KCNB2: variants seen among roughly 807,000 people sequenced by gnomAD.
KCNB2 encodes the protein delayed rectifier potassium channel protein.
KCNB2 carries 15 observed loss-of-function variants against 61.5 expected under a neutral mutation model. The observed-to-expected ratio is 0.24, with a 90% CI of 0.16 to 0.38. KCNB2 has a LOEUF of 0.38. Ranked by LOEUF, KCNB2 falls within the 10% of genes least tolerant of loss-of-function variation. The probability of loss-of-function intolerance (pLI) is 1.00; values close to 1 mark genes in which losing one functional copy is unlikely to be tolerated. For synonymous variants in KCNB2, 457 were observed against 446.0 expected, an observed-to-expected ratio of 1.02 and a Z score of -0.31; for missense variants, 828 against 1,125.2, an observed-to-expected ratio of 0.74 and a Z score of 3.78.
At chr8:72,887,791 A>G (rs556169866) in intron 2 of KCNB2, among the ~76,000 whole-genome samples, 1 of 151,866 alleles carries the variant, frequency 6.6e-6, no homozygotes, top group African/African-American at 2.4e-5. Context: ...CATTCAGTCA[A>G]CTCCAGCTCT....
chr8:72,743,728 A>G (rs1008073649), intron 2 of KCNB2, among the ~76,000 whole-genome samples: 1 of 152,242 alleles, frequency 6.6e-6, no homozygotes, highest in Non-Finnish European at 1.5e-5. Flanking sequence ...CAGTGAAATT[A>G]TGACATATTG....
intron 1 of KCNB2, among the ~76,000 whole-genome samples, chr8:72,558,746 T>A (rs1416862230): frequency 3.3e-5 from 5 of 152,204 alleles, no homozygotes. Context: ...AAGATGGATA[T>A]TTATCAAATA....
Position 72,597,001 on chromosome 8 carries a change from C to CTTTTTTTTTTTTTTTT in KCNB2, c.579+28714_579+28729dup, listed in dbSNP as rs869160203. Among the ~76,000 whole-genome samples, 14 of 64,658 alleles carry CTTTTTTTTTTTTTTTT rather than the reference C, an allele frequency of 2.2e-4. 1 individual carries two copies. The highest frequency in any genetic ancestry group is 3.2e-4 in the African/African-American group (4 of 12,492). 42.4% of individuals were successfully genotyped at this position (64,658 alleles called of 152,430 possible). On this transcript the variant is annotated intron_variant, in intron 2 of 2. Coordinates refer to ENST00000523207, the MANE Select transcript of KCNB2 (RefSeq NM_004770.3). ...GCATGCTTGCTTGCTTGCTTGCTTG[C>CTTTTTTTTTTTTTTTT]TTTTTTTTTTTTTTTTTTTTTTTTT...
intron 2 of KCNB2, among the ~76,000 whole-genome samples, chr8:72,822,931 C>T (rs1809534784): frequency 6.6e-6 from 1 of 152,080 alleles, no homozygotes; most frequent in Non-Finnish European, 1.5e-5. Flanking sequence ...TATTTGTGTG[C>T]ATGATCTCTC....
At chr8:72,576,684 A>G (rs1161486016) in intron 2 of KCNB2, among the ~76,000 whole-genome samples, 1 of 152,204 alleles carries the variant, frequency 6.6e-6, no homozygotes, top group Non-Finnish European at 1.5e-5. Flanking sequence ...GGCAAGTTGC[A>G]CTTACTGTAT....
In KCNB2 at chr8:72,683,012, C is replaced by T. The variant is rs192883691; in HGVS notation, c.579+114699C>T. Among the ~76,000 whole-genome samples the T allele has an allele frequency of 3.3e-5, 5 of 152,202 alleles. No homozygotes were observed. In the East Asian group the frequency reaches 5.8e-4, roughly 18 times the overall value. Reference sequence around the variant, plus strand: ...AAAGTTGTTTTGTGTTCTTGTTTATCGTGTATCTATATAATATGTTAAGTG... The same window carrying T: ...AAAGTTGTTTTGTGTTCTTGTTTATTGTGTATCTATATAATATGTTAAGTG... On this transcript the variant is annotated intron_variant, in intron 2 of 2. Coordinates refer to ENST00000523207, the MANE Select transcript of KCNB2 (RefSeq NM_004770.3).
chr8:72,547,079 C>T (rs1416697515), intron 1 of KCNB2, among the ~76,000 whole-genome samples: 3 of 152,208 alleles, frequency 2.0e-5, no homozygotes, highest in African/African-American at 4.8e-5. Context: ...TAAATTTACT[C>T]TGCCTATGCT....
intron 2 of KCNB2, among the ~76,000 whole-genome samples, chr8:72,779,755 CTG>C (rs1808722552): frequency 6.6e-6 from 1 of 152,290 alleles, no homozygotes; most frequent in South Asian, 2.1e-4. Flanking sequence ...ACATGTAAAA[CTG>C]TGGCGATTGA....
At chr8:72,695,053 C>T (rs1161928381) in intron 2 of KCNB2, among the ~76,000 whole-genome samples, 1 of 151,970 alleles carries the variant, frequency 6.6e-6, no homozygotes, top group East Asian at 1.9e-4. Flanking sequence ...TCATTATATG[C>T]CTGTATTCCC....
intron 2 of KCNB2, among the ~76,000 whole-genome samples, chr8:72,609,031 G>A (rs983746011): frequency 2.0e-5 from 3 of 152,298 alleles, no homozygotes; most frequent in African/African-American, 4.8e-5. Context: ...TGATGTAGTG[G>A]GGAGTAGAAT....
Position 72,936,358 on chromosome 8 carries a change from T to C in KCNB2, c.1003T>C (p.Leu335=), listed in dbSNP as rs368867147. Residue 335 remains leucine (L), a synonymous_variant, in exon 3 of 3, where the codon TTG becomes CTG. Coordinates refer to ENST00000523207, the MANE Select transcript of KCNB2 (RefSeq NM_004770.3). The surrounding 1 kb of genome is among the most constrained non-coding windows in gnomAD (Gnocchi z 5.6). ...CACCCTTAGGCGGAGTTACAATGAA[T>C]TGGGCTTGTTGATATTGTTTCTGGC... ...GFTLRRSYNE[L]GLLILFLAMG... The C allele has an allele frequency of 4.3e-6, 7 of 1,614,236 alleles. No homozygotes were observed. The highest frequency in any genetic ancestry group is 1.7e-5 in the Admixed American group (1 of 60,034).
intron 2 of KCNB2, among the ~76,000 whole-genome samples, chr8:72,715,366 C>T (rs905473759): frequency 6.6e-6 from 1 of 152,200 alleles, no homozygotes; most frequent in Non-Finnish European, 1.5e-5. Flanking sequence ...ACATTCTTTT[C>T]AGCACCACAC....
In KCNB2 at chr8:72,782,619, A is replaced by G. The variant is rs915905994; in HGVS notation, c.580-153316A>G. On this transcript the variant is annotated intron_variant, in intron 2 of 2. Coordinates refer to ENST00000523207, the MANE Select transcript of KCNB2 (RefSeq NM_004770.3). ...CTCCTTGTTATGACCCACTGCTTTT[A>G]TGAGACCCCCATCCTTCTAAGCTAT... Among the ~76,000 whole-genome samples, 14 of 152,266 alleles carry G rather than the reference A, an allele frequency of 9.2e-5. No homozygotes were observed. The South Asian group carries it at 1.0e-3, about 11-fold the overall frequency.
intron 2 of KCNB2, among the ~76,000 whole-genome samples, chr8:72,849,905 C>G (rs1810064090): frequency 6.6e-6 from 1 of 152,092 alleles, no homozygotes; most frequent in Non-Finnish European, 1.5e-5. Flanking sequence ...CAAAGTCTTG[C>G]CATCAAGGTA....
intron 2 of KCNB2, among the ~76,000 whole-genome samples, chr8:72,733,737 C>T (rs1025697729): frequency 2.0e-5 from 3 of 152,042 alleles, no homozygotes; most frequent in Admixed American, 6.6e-5. Flanking sequence ...AGCTGATCAC[C>T]CCAAGCTGCA....
chr8:72,719,382 A>G (rs755228772), intron 2 of KCNB2, among the ~76,000 whole-genome samples: 18 of 152,196 alleles, frequency 1.2e-4, no homozygotes, highest in East Asian at 1.9e-4. Flanking sequence ...GACAACAAGC[A>G]TAAAACAATC....
chr8:72,559,688 A>C (rs1563522767), intron 1 of KCNB2, among the ~76,000 whole-genome samples: 1 of 152,314 alleles, frequency 6.6e-6, no homozygotes, highest in South Asian at 2.1e-4. Flanking sequence ...ATTACCCTTT[A>C]CTGAAACAAA....
chr8:72,657,649 T>C (rs1806312846), intron 2 of KCNB2, among the ~76,000 whole-genome samples: 2 of 152,146 alleles, frequency 1.3e-5, no homozygotes, highest in Non-Finnish European at 2.9e-5. Context: ...AATTGTATAC[T>C]CACTCAACTA....
chr8:72,882,520 TGAGAGAGAGAGAGA>T (rs147239924), intron 2 of KCNB2, among the ~76,000 whole-genome samples: 1 of 115,362 alleles, frequency 8.7e-6, no homozygotes, highest in South Asian at 3.0e-4. Context: ...TGCTGACAGT[TGAGAGAGAGAGAGA>T]GAGAGAGAGA....
Sources: gnomAD v4.1 joint callset for allele counts (sites outside exome capture counted in the v4.1 genomes callset) on GRCh38, gnomAD v4.1.1 for gene constraint, Gnocchi (gnomAD v3.1) non-coding constraint, MANE v1.5 for transcripts, NCBI Gene and HGNC (gene_info 2026-07-23, HGNC 2026-07-21) for gene names.